Variants in TDRP observed in about 807,000 individuals in gnomAD.
TDRP encodes testis development-related protein.
TDRP carries 12 observed loss-of-function variants against 10.5 expected under a neutral mutation model. The observed-to-expected ratio is 1.15, with a 90% confidence interval of 0.73 to 1.86. TDRP has a LOEUF of 1.86. TDRP is among the 40% of genes most tolerant of loss of function. The pLI is 0.00. For synonymous variants in TDRP, 139 were observed against 95.4 expected, an observed-to-expected ratio of 1.46 and a Z score of -2.67; for missense variants, 353 against 229.2, an observed-to-expected ratio of 1.54 and a Z score of -3.49.
chr8:501,006 A>G (rs542441629), intron 1 of TDRP, among the ~76,000 whole-genome samples: 1 of 152,256 alleles, frequency 6.6e-6, no homozygotes, highest in South Asian at 2.1e-4. Context: ...GGAGATCGAG[A>G]CCATCCTGGC....
chr8:500,290 G>C (rs939248596), intron 1 of TDRP, among the ~76,000 whole-genome samples: 1 of 152,162 alleles, frequency 6.6e-6, no homozygotes, highest in African/African-American at 2.4e-5. Context: ...AATTATTCCT[G>C]TTAGGTTAAA....
chr8:538,903 A>G (rs1802418535), intron 1 of TDRP, among the ~76,000 whole-genome samples: 1 of 152,188 alleles, frequency 6.6e-6, no homozygotes, highest in African/African-American at 2.4e-5. Context: ...GCTGGTTGGA[A>G]CGTAAACCAG....
At chr8:504,586 A>T (rs1008163851) in intron 1 of TDRP, among the ~76,000 whole-genome samples, 19 of 152,200 alleles carry the variant, frequency 1.2e-4, no homozygotes, top group African/African-American at 4.6e-4. Context: ...GACAGTGCAA[A>T]CCGTAAAACC....
At chr8:492,783 T>C (rs1201447357) in intron 2 of TDRP, 39 bp from the exon 3 acceptor site, 5 of 1,440,012 alleles carry the variant, frequency 3.5e-6, no homozygotes, top group Non-Finnish European at 4.7e-6. Context: ...GTGACCCAGG[T>C]CTTAGGGCCT....
At chr8:519,526 A>G (rs760163698) in intron 1 of TDRP, among the ~76,000 whole-genome samples, 4 of 151,930 alleles carry the variant, frequency 2.6e-5, no homozygotes, top group African/African-American at 4.8e-5. Flanking sequence ...ACAGATCTCT[A>G]AAACTTTTTC....
At chr8:527,850 T>A (rs900229413) in intron 1 of TDRP, among the ~76,000 whole-genome samples, 2 of 152,090 alleles carry the variant, frequency 1.3e-5, no homozygotes, top group African/African-American at 4.8e-5. Flanking sequence ...GACATTGGAC[T>A]AAGCAAAGAT....
rs1802589599 is a variant in TDRP at position 544,696 on chromosome 8, A to T, written c.62T>A (p.Leu21Gln). Residue 21 changes from leucine to glutamine, a missense_variant, in exon 1 of 3, where the codon CTG (leucine) becomes CAG (glutamine). Coordinates refer to ENST00000324079, the MANE Select transcript of TDRP (RefSeq NM_001384899.1). ...GGCGGCCGGTGGCGGCCCCCCACGC[A>T]GGCCGTCCTCCTCCTCGGGGGGCTC... ...LDEPPEEEDG[L>Q]RGGPPPAAAA... 1.6e-6 allele frequency: 2 copies of T among 1,245,380 alleles called. No individual in the cohort carries two copies. The highest frequency in any genetic ancestry group is 7.4e-5 in the South Asian group (2 of 27,022). 77.1% of individuals were successfully genotyped at this position (1,245,380 alleles called of 1,614,324 possible).
intron 1 of TDRP, among the ~76,000 whole-genome samples, chr8:532,205 C>A (rs1173221882): frequency 3.9e-5 from 6 of 152,184 alleles, no homozygotes; most frequent in Non-Finnish European, 8.8e-5. Flanking sequence ...AGGACACATC[C>A]AGGAAGGTGC....
At chr8:528,697 G>C (rs539565764) in intron 1 of TDRP, among the ~76,000 whole-genome samples, 4 of 152,078 alleles carry the variant, frequency 2.6e-5, no homozygotes, top group South Asian at 2.1e-4. Flanking sequence ...ACTCCGATGT[G>C]ATTATTATGT....
chr8:537,608 T>A (rs1195846268), intron 1 of TDRP, among the ~76,000 whole-genome samples: 1 of 152,102 alleles, frequency 6.6e-6, no homozygotes, highest in African/African-American at 2.4e-5. Flanking sequence ...GACTACGAGG[T>A]TTTTAGAAGT....
chr8:528,222 C>T (rs1475183085), intron 1 of TDRP, among the ~76,000 whole-genome samples: 1 of 152,154 alleles, frequency 6.6e-6, no homozygotes, highest in African/African-American at 2.4e-5. Context: ...TCACTCACAT[C>T]AGTTAAAATG....
At chr8:525,804 G>A (rs183191208) in intron 1 of TDRP, among the ~76,000 whole-genome samples, 274 of 152,268 alleles carry the variant, frequency 1.8e-3, no homozygotes, top group African/African-American at 6.3e-3. Flanking sequence ...GAAAATGGCA[G>A]GAGTAAGTCA....
chr8:519,372 A>G (rs2116815014), intron 1 of TDRP, among the ~76,000 whole-genome samples: 1 of 152,254 alleles, frequency 6.6e-6, no homozygotes, highest in African/African-American at 2.4e-5. Flanking sequence ...ATTGGACATG[A>G]CAGAGAGTCA....
Position 491,988 on chromosome 8 carries a change from G to C in TDRP, c.*411C>G, listed in dbSNP as rs1017934872. 127 of 1,117,296 alleles carry C rather than the reference G, an allele frequency of 1.1e-4. No individual in the cohort carries two copies. The highest frequency in any genetic ancestry group is 1.3e-4 in the Non-Finnish European group (118 of 916,484). 69.2% of individuals were successfully genotyped at this position (1,117,296 alleles called of 1,614,324 possible). The stretch of plus-strand genomic sequence containing the variant: ...TGACTAATTTTCTAGCAAAAGAAAA[G>C]AACTGCATGACAGCTGCATTTATAC... On this transcript the variant is annotated 3_prime_UTR_variant, in exon 3 of 3. Coordinates refer to ENST00000324079, the MANE Select transcript of TDRP (RefSeq NM_001384899.1).
intron 1 of TDRP, among the ~76,000 whole-genome samples, chr8:514,898 T>C (rs1039473113): frequency 1.3e-5 from 2 of 152,190 alleles, no homozygotes; most frequent in Non-Finnish European, 2.9e-5. Context: ...AGGGCTACTT[T>C]AAAATTAAGA....
At chr8:535,856 A>C (rs1021515727) in intron 1 of TDRP, among the ~76,000 whole-genome samples, 2 of 151,458 alleles carry the variant, frequency 1.3e-5, no homozygotes, top group African/African-American at 4.8e-5. Flanking sequence ...CACCCGAGGC[A>C]GGTGTGAGTG....
At chr8:544,045 C>A (rs796332570) in intron 1 of TDRP, among the ~76,000 whole-genome samples, 50 of 152,232 alleles carry the variant, frequency 3.3e-4, no homozygotes, top group African/African-American at 1.1e-3. Flanking sequence ...CAGGTAAAGG[C>A]CTTTCAGTTT....
chr8:539,680 G>C (rs1278227627), intron 1 of TDRP, among the ~76,000 whole-genome samples: 29 of 152,148 alleles, frequency 1.9e-4, no homozygotes. Flanking sequence ...GGGAGAGAAA[G>C]GCCTCTGCCT....
intron 1 of TDRP, among the ~76,000 whole-genome samples, chr8:499,712 T>A (rs1801234083): frequency 1.3e-5 from 2 of 152,150 alleles, no homozygotes; most frequent in Admixed American, 1.3e-4. Flanking sequence ...GATATCTCGG[T>A]CTTCACCTGA....
Sources: allele counts gnomAD v4.1 joint callset (sites outside exome capture counted in the v4.1 genomes callset), GRCh38; gene constraint gnomAD v4.1.1; transcripts MANE v1.5; gene names NCBI Gene and HGNC (gene_info 2026-07-23, HGNC 2026-07-21).